Variants in KANK1 observed in about 807,000 individuals in gnomAD.
KANK1 encodes KN motif and ankyrin repeat domain-containing protein 1.
Under a neutral mutation model 106.2 loss-of-function variants are expected in KANK1, and 109 were observed. The observed-to-expected ratio is 1.03, with a 90% CI of 0.88 to 1.20. The LOEUF is 1.20. Ranked by LOEUF, KANK1 falls within the 50% of genes most tolerant of loss-of-function variation. The probability of loss-of-function intolerance (pLI) is 0.00; values close to 1 mark genes in which losing one functional copy is unlikely to be tolerated. For missense variants in KANK1, 2,399 were observed against 1,710.7 expected, an observed-to-expected ratio of 1.40 and a Z score of -7.10; for synonymous variants, 873 against 652.2, an observed-to-expected ratio of 1.34 and a Z score of -5.16.
intron 2 of KANK1, among the ~76,000 whole-genome samples, chr9:695,829 C>T (rs1195714308): frequency 6.6e-6 from 1 of 152,134 alleles, no homozygotes; most frequent in African/African-American, 2.4e-5. Context: ...GCAGCAGAGC[C>T]AGGATTCAAA....
intron 1 of KANK1, among the ~76,000 whole-genome samples, chr9:552,342 G>A (rs909550579): frequency 6.6e-6 from 1 of 152,104 alleles, no homozygotes; most frequent in Admixed American, 6.5e-5. Flanking sequence ...CCTAACTAAG[G>A]TCAGTTAGCC....
intron 1 of KANK1, among the ~76,000 whole-genome samples, chr9:534,568 T>G (rs544434914): frequency 4.6e-5 from 7 of 152,206 alleles, no homozygotes; most frequent in Non-Finnish European, 8.8e-5. Context: ...GCCCCTTAGT[T>G]TTATCTTGAT....
rs191266626 is a variant in KANK1 at position 711,584 on chromosome 9, G to T, written c.818G>T (p.Arg273Leu). 3 of 1,614,080 alleles carry T rather than the reference G, an allele frequency of 1.9e-6. No individual in the cohort carries two copies. The highest frequency in any genetic ancestry group is 2.5e-6 in the Non-Finnish European group (3 of 1,180,004). Reference protein sequence around the residue: ...IREQMAIALKRLKELEEQVRT... With the variant: ...IREQMAIALKLLKELEEQVRT... Reference sequence around the variant, plus strand: ...GAGCAGATGGCCATTGCTCTGAAACGCCTGAAGGAGCTGGAGGAGCAGGTG... The same window carrying T: ...GAGCAGATGGCCATTGCTCTGAAACTCCTGAAGGAGCTGGAGGAGCAGGTG... The change falls in exon 3 of 12, where the codon CGC becomes CTC. Residue 273 changes from arginine (R) to leucine (L), a missense_variant. By Grantham distance (102) the Arg-to-Leu change is moderately radical. Transcript: ENST00000382297.
chr9:640,309 C>G (rs1257009225), intron 1 of KANK1, among the ~76,000 whole-genome samples: 9 of 150,982 alleles, frequency 6.0e-5, no homozygotes, highest in African/African-American at 2.0e-4. Flanking sequence ...GATCTCGGCT[C>G]TCTGCAGCCT....
At chr9:648,551 G>A (rs188650389) in intron 1 of KANK1, among the ~76,000 whole-genome samples, 18 of 152,190 alleles carry the variant, frequency 1.2e-4, no homozygotes, top group Non-Finnish European at 2.1e-4. Flanking sequence ...GGCTCTGAGC[G>A]CGAGGCTCTC....
rs116826935 is a variant in KANK1, at chr9:718,739, T to G, written c.2698+5275T>G. Among the ~76,000 whole-genome samples the G allele has an allele frequency of 1.6e-3, 248 of 152,290 alleles. 5 individuals carry two copies. The highest frequency in any genetic ancestry group is 5.8e-3 in the African/African-American group (241 of 41,570). ...TCTGTACAAGTGTGAGTTAACTGTT[T>G]ATGTTGGTGACCACACATGTATTAG... On this transcript the variant is annotated intron_variant, in intron 3 of 11. Coordinates refer to ENST00000382297, the MANE Select transcript of KANK1 (RefSeq NM_015158.5).
intron 2 of KANK1, among the ~76,000 whole-genome samples, chr9:709,698 C>T (rs1825394676): frequency 6.6e-6 from 1 of 151,316 alleles, no homozygotes; most frequent in Non-Finnish European, 1.5e-5. Flanking sequence ...TCACTGCAAC[C>T]TCCACCTCCT....
At chr9:540,526 A>G (rs928455687) in intron 1 of KANK1, 1 of 152,222 alleles carries the variant, frequency 6.6e-6, no homozygotes, top group Non-Finnish European at 1.5e-5. Flanking sequence ...CTGGCCTTGC[A>G]AAATGAGTTT....
Position 738,495 on chromosome 9 carries a change from T to A in KANK1, c.3544T>A (p.Leu1182Ile). The change falls in exon 8 of 12, where the codon TTA becomes ATA. Residue 1182 changes from leucine to isoleucine, a missense_variant. Physicochemically the swap from Leu to Ile is conservative, Grantham distance 5 (BLOSUM62 2). Transcript: ENST00000382297. ...CAACTTCGAGATTGTGAAGCTGCTG[T>A]TAGATGCCGGTATGTTGGCTGCCCT... ...HSNFEIVKLLLDADVCNVDHQ... is the reference protein window; with the variant it reads ...HSNFEIVKLLIDADVCNVDHQ... 3.1e-6 allele frequency: 5 copies of A among 1,613,728 alleles called. No individual in the cohort carries two copies. Among genetic ancestry groups the A allele is most frequent in the Non-Finnish European group, 4.2e-6 (5 of 1,179,594 alleles).
Position 633,114 on chromosome 9 carries a change from T to C in KANK1, c.-83-43776T>C, listed in dbSNP as rs977614114. The stretch of plus-strand genomic sequence containing the variant: ...TGACTTTTTCTACACTCACTTTTAG[T>C]GCCCCATAAGAAGGATATTTAATGA... On this transcript the variant is annotated intron_variant, in intron 1 of 11. Coordinates refer to ENST00000382297, the MANE Select transcript of KANK1 (RefSeq NM_015158.5). Among the ~76,000 whole-genome samples, 3 of 152,118 alleles carry C rather than the reference T, an allele frequency of 2.0e-5. No individual in the cohort carries two copies. In the South Asian group the frequency reaches 6.2e-4, roughly 31 times the overall value.
In KANK1 at chr9:711,197, C is replaced by T. The variant is rs1348273292; in HGVS notation, c.431C>T (p.Ser144Leu). 1 of 1,614,066 alleles carries T rather than the reference C, an allele frequency of 6.2e-7. No homozygotes were observed. The highest frequency in any genetic ancestry group is 8.5e-7 in the Non-Finnish European group (1 of 1,180,046). ...GAAAATCGACAGCTGCCACCTCCCT[C>T]ACCACAACTCCCAAAGCATAACCTT... ...IPENRQLPPP[S>L]PQLPKHNLHV... The change falls in exon 3 of 12, where the codon TCA (serine) becomes TTA (leucine). Residue 144 changes from serine (S) to leucine (L), a missense_variant. Transcript: ENST00000382297.
At chr9:642,025 T>C (rs539180709) in intron 1 of KANK1, among the ~76,000 whole-genome samples, 34 of 152,270 alleles carry the variant, frequency 2.2e-4, no homozygotes, top group African/African-American at 8.2e-4. Context: ...AGGCAATCAT[T>C]ATTCTACTTT....
chr9:563,994 T>G (rs1431415778), intron 1 of KANK1, among the ~76,000 whole-genome samples: 2 of 152,168 alleles, frequency 1.3e-5, no homozygotes, highest in Non-Finnish European at 2.9e-5. Context: ...TTTGTCTTAC[T>G]TAGTCTTTGG....
At chr9:577,037 G>A (rs908729858) in intron 1 of KANK1, among the ~76,000 whole-genome samples, 1 of 152,154 alleles carries the variant, frequency 6.6e-6, no homozygotes, top group African/African-American at 2.4e-5. Context: ...TCATGGCCTC[G>A]CTGACTTGAG....
intron 1 of KANK1, among the ~76,000 whole-genome samples, chr9:629,257 A>G (rs1235765894): frequency 6.6e-6 from 1 of 152,012 alleles, no homozygotes; most frequent in Non-Finnish European, 1.5e-5. Flanking sequence ...CAGGGGAGTA[A>G]GCCATGTTCT....
intron 1 of KANK1, among the ~76,000 whole-genome samples, chr9:568,715 A>G (rs1475671333): frequency 1.3e-5 from 2 of 151,844 alleles, no homozygotes; most frequent in Non-Finnish European, 2.9e-5. Flanking sequence ...CTGATCTCGA[A>G]CTCCTGGCCT....
intron 1 of KANK1, among the ~76,000 whole-genome samples, chr9:577,668 G>C (rs1820942752): frequency 6.6e-6 from 1 of 152,078 alleles, no homozygotes; most frequent in African/African-American, 2.4e-5. Context: ...GCATCACTTG[G>C]AAACTTGGTA....
At chr9:637,700 A>T (rs1331757901) in intron 1 of KANK1, among the ~76,000 whole-genome samples, 1 of 152,158 alleles carries the variant, frequency 6.6e-6, no homozygotes, top group Non-Finnish European at 1.5e-5. Flanking sequence ...TAAATATTTA[A>T]TGTTAAGATG....
chr9:731,208 G>C lies in KANK1; in HGVS notation c.2947G>C (p.Gly983Arg), dbSNP rs562561638. Reference protein sequence around the residue: ...TLKSIMKKKDGNKDSNGAKKN... With the variant: ...TLKSIMKKKDRNKDSNGAKKN... ...GAAGTCCATCATGAAGAAGAAAGAT[G>C]GTAACAAAGATTCAAATGGCGCAAA... The change falls in exon 5 of 12, where the codon GGT becomes CGT. Residue 983 changes from glycine (G) to arginine (R), a missense_variant. Physicochemically the swap from Gly to Arg is moderately radical, Grantham distance 125. Transcript: ENST00000382297. 1.7e-5 allele frequency: 28 copies of C among 1,612,254 alleles called. No individual in the cohort carries two copies. In the Middle Eastern group the frequency reaches 5.0e-4, roughly 29 times the overall value.
Sources: gnomAD v4.1 joint callset for allele counts (sites outside exome capture counted in the v4.1 genomes callset) on GRCh38, gnomAD v4.1.1 for gene constraint, MANE v1.5 for transcripts, NCBI Gene and HGNC (gene_info 2026-07-23, HGNC 2026-07-21) for gene names.